The following COL4A1 variants were observed in gnomAD, a reference collection of about 807,000 sequenced individuals.
The protein encoded by COL4A1 is collagen type IV alpha 1 chain.
A neutral mutation model predicts 216.6 loss-of-function variants in COL4A1; 40 were observed. The observed-to-expected ratio is 0.18, with a 90% CI of 0.14 to 0.24. The LOEUF (loss-of-function observed/expected upper bound fraction) is 0.24. Among genes scored for constraint, COL4A1 ranks in the 10% least tolerant of loss-of-function variants. COL4A1 has a pLI of 1.00. For missense variants in COL4A1, 1,628 were observed against 2,196.8 expected (o/e 0.74, Z 5.18); for synonymous variants, 839 against 810.7 (o/e 1.03, Z -0.59).
intron 1 of COL4A1, among the ~76,000 whole-genome samples, chr13:110,261,022 G>A (rs1278784716): frequency 2.9e-5 from 2 of 69,440 alleles, no homozygotes; most frequent in Admixed American, 4.6e-4. Context: ...GGGTGACAGA[G>A]CGAGACTCCG....
At chr13:110,213,657 C>A in intron 4 of COL4A1, 125 bp downstream of exon 4, 3 of 953,284 alleles carry the variant, frequency 3.1e-6, no homozygotes, top group Non-Finnish European at 3.4e-6. Context: ...CCTGCCCGTG[C>A]TGTGTGAGCT....
In COL4A1 at chr13:110,211,774, A is replaced by T; in HGVS notation, c.441+95T>A. The T allele has an allele frequency of 6.7e-7, 1 of 1,490,174 alleles. No homozygotes were observed. Among genetic ancestry groups the T allele is most frequent in the Non-Finnish European group, 9.2e-7 (1 of 1,082,496 alleles). The allele number at this position is 1,490,174 out of a possible 1,614,324, so 92.3% of individuals were successfully genotyped here. On this transcript the variant is annotated intron_variant, in intron 7 of 51. Coordinates refer to ENST00000375820, the MANE Select transcript of COL4A1 (RefSeq NM_001845.6). The surrounding 1 kb of genome is among the most constrained non-coding windows in gnomAD (Gnocchi z 4.3). ...TTATATATAAAATATAAGTTATTAA[A>T]ACATAAGCAAAGAAAGAAAGAAAAG...
intron 49 of COL4A1, among the ~76,000 whole-genome samples, chr13:110,156,962 C>T (rs551620215): frequency 2.6e-5 from 4 of 152,304 alleles, no homozygotes; most frequent in African/African-American, 7.2e-5. Flanking sequence ...AGTTAAACAA[C>T]AGTGACTGAA....
At chr13:110,256,443 C>G (rs1285708439) in intron 1 of COL4A1, among the ~76,000 whole-genome samples, 1 of 152,214 alleles carries the variant, frequency 6.6e-6, no homozygotes, top group African/African-American at 2.4e-5. Context: ...CAGGAACCAG[C>G]AGGCACTGTG....
intron 42 of COL4A1, 57 bp from the exon 43 acceptor site, chr13:110,169,819 G>A (rs1877523195): frequency 1.2e-6 from 2 of 1,610,522 alleles, no homozygotes; most frequent in Non-Finnish European, 1.7e-6. Flanking sequence ...AGTGTCCCTG[G>A]GCTGTGGGGC....
At chr13:110,163,649 A>G in intron 46 of COL4A1, 88 bp from the exon 47 acceptor site, 5 of 1,256,926 alleles carry the variant, frequency 4.0e-6, no homozygotes, top group Non-Finnish European at 5.7e-6. Flanking sequence ...TTCAGTGTTC[A>G]AGGAGCCAAG....
At chr13:110,238,220 G>T (rs1350788828) in intron 2 of COL4A1, among the ~76,000 whole-genome samples, 1 of 152,180 alleles carries the variant, frequency 6.6e-6, no homozygotes, top group African/African-American at 2.4e-5. Flanking sequence ...ATTACAAGAA[G>T]GTATGAGATA....
intron 1 of COL4A1, among the ~76,000 whole-genome samples, chr13:110,262,633 T>C (rs148557093): frequency 1.6e-4 from 24 of 152,324 alleles, no homozygotes; most frequent in African/African-American, 5.8e-4. Flanking sequence ...AGAGGAAGCA[T>C]GGCCCAGGCT....
chr13:110,220,622 C>T (rs1226347892), intron 2 of COL4A1, among the ~76,000 whole-genome samples: 1 of 152,186 alleles, frequency 6.6e-6, no homozygotes, highest in Non-Finnish European at 1.5e-5. Flanking sequence ...TGTCCTGCCT[C>T]TTCTAAAGCA....
rs79051239 is a variant in COL4A1 at position 110,226,536 on chromosome 13, G to A, written c.145-12521C>T. On this transcript the variant is annotated intron_variant, in intron 2 of 51. Transcript: ENST00000375820. ...TCCATTAATCATACTTGGAATCTAA[G>A]AGATAAGAACAGTTCCCTTGACTCC... Among the ~76,000 whole-genome samples, 1,001 of 152,292 alleles carry A rather than the reference G, an allele frequency of 6.6e-3. 1 individual carries two copies. Among genetic ancestry groups the A allele is most frequent in the Non-Finnish European group, 0.01 (704 of 68,026 alleles).
chr13:110,226,345 G>C (rs1880736284), intron 2 of COL4A1, among the ~76,000 whole-genome samples: 6 of 152,166 alleles, frequency 3.9e-5, no homozygotes, highest in Admixed American at 3.9e-4. Flanking sequence ...AGGTCAGCCT[G>C]GGTCTTAGTA....
chr13:110,219,669 T>C (rs1186287697), intron 2 of COL4A1, among the ~76,000 whole-genome samples: 1 of 77,532 alleles, frequency 1.3e-5, no homozygotes, highest in Non-Finnish European at 2.7e-5. Context: ...TATGTATATA[T>C]ATATATATGT....
At chr13:110,234,413 C>G (rs951172787) in intron 2 of COL4A1, among the ~76,000 whole-genome samples, 1 of 152,092 alleles carries the variant, frequency 6.6e-6, no homozygotes, top group Non-Finnish European at 1.5e-5. Context: ...GAAACCCTGT[C>G]TCTACTAAAA....
At position 110,268,321 on chromosome 13, in the gene COL4A1, A is replaced by G. The variant is rs1883119435; in HGVS notation, c.85-25587T>C. On this transcript the variant is annotated intron_variant, in intron 1 of 51. Coordinates refer to ENST00000375820, the MANE Select transcript of COL4A1 (RefSeq NM_001845.6). This position sits in a 1 kb window ranked among gnomAD's most constrained non-coding sequence, Gnocchi z 4.1. Reference sequence around the variant, plus strand: ...TGATGCCTGTCGTGCCAGGCTCAGGAGCTTGGACCTGAATGCAAAAGATGG... The same window carrying G: ...TGATGCCTGTCGTGCCAGGCTCAGGGGCTTGGACCTGAATGCAAAAGATGG... 1.3e-5 allele frequency among the ~76,000 whole-genome samples: 2 copies of G among 150,148 alleles called. No homozygotes were observed. Among genetic ancestry groups the G allele is most frequent in the African/African-American group, 2.4e-5 (1 of 41,016 alleles).
intron 1 of COL4A1, chr13:110,265,561 C>A (rs1388036409): frequency 6.6e-6 from 1 of 152,224 alleles, no homozygotes; most frequent in East Asian, 1.9e-4. Context: ...GGAGCTGATT[C>A]TGGTGACAAG....
chr13:110,199,650 T>C (rs1015458368), intron 20 of COL4A1, among the ~76,000 whole-genome samples: 3 of 151,992 alleles, frequency 2.0e-5, no homozygotes, highest in African/African-American at 7.2e-5. Context: ...GCAGAGGCAA[T>C]GGTCAAGGCC....
chr13:110,302,013 T>C (rs1485947798), intron 1 of COL4A1, among the ~76,000 whole-genome samples: 1 of 151,838 alleles, frequency 6.6e-6, no homozygotes, highest in Admixed American at 6.6e-5. Context: ...GCACGAGAGC[T>C]GGGAGGAGGG....
At chr13:110,167,031 G>C in intron 44 of COL4A1, 127 bp downstream of exon 44, 1 of 814,494 alleles carries the variant, frequency 1.2e-6, no homozygotes, top group Non-Finnish European at 2.2e-6. Flanking sequence ...TTTTTAATTT[G>C]AAGAGAACAG....
chr13:110,171,627 G>A (rs960899343), intron 41 of COL4A1, among the ~76,000 whole-genome samples: 4 of 152,174 alleles, frequency 2.6e-5, no homozygotes, highest in African/African-American at 9.7e-5. Flanking sequence ...ATGAAATAGG[G>A]TCAAGACCTA....
Sources: gnomAD v4.1 joint callset for allele counts (sites outside exome capture counted in the v4.1 genomes callset) on GRCh38, gnomAD v4.1.1 for gene constraint, Gnocchi (gnomAD v3.1) non-coding constraint, MANE v1.5 for transcripts, NCBI Gene and HGNC (gene_info 2026-07-23, HGNC 2026-07-21) for gene names.